Variants in BRCA1 observed in about 807,000 individuals in gnomAD.
BRCA1 encodes breast cancer type 1 susceptibility protein.
Under a neutral mutation model 173.7 loss-of-function variants are expected in BRCA1, and 140 were observed. That is an observed-to-expected ratio of 0.81 (90% confidence interval 0.70 to 0.93). The LOEUF is 0.93. Ranked by LOEUF, BRCA1 falls within the 40% of genes least tolerant of loss-of-function variation. The pLI, the probability that BRCA1 is intolerant of heterozygous loss-of-function variation, is 0.00. For missense variants in BRCA1, 1,983 were observed against 2,172.5 expected, an observed-to-expected ratio of 0.91 and a Z score of 1.73; for synonymous variants, 662 against 756.0, an observed-to-expected ratio of 0.88 and a Z score of 2.04.
At chr17:43,081,485 G>A (rs2052999108) in intron 12 of BRCA1, among the ~76,000 whole-genome samples, 1 of 152,202 alleles carries the variant, frequency 6.6e-6, no homozygotes, top group South Asian at 2.1e-4. Flanking sequence ...CAGTTGGACT[G>A]TGGAACGGGG....
intron 6 of BRCA1, 84 bp from the exon 7 acceptor site, chr17:43,099,964 C>G: frequency 9.4e-7 from 1 of 1,059,886 alleles, no homozygotes; most frequent in Non-Finnish European, 1.5e-6. Flanking sequence ...ACACCATGGA[C>G]AAAATAAATT....
chr17:43,080,468 G>T (rs1275215378), intron 12 of BRCA1, among the ~76,000 whole-genome samples: 1 of 151,758 alleles, frequency 6.6e-6, no homozygotes, highest in Non-Finnish European at 1.5e-5. Flanking sequence ...AAGTGCTGGG[G>T]TTACAGGCGT....
intron 1 of BRCA1, among the ~76,000 whole-genome samples, chr17:43,152,226 G>C (rs978393748): frequency 6.6e-6 from 1 of 152,186 alleles, no homozygotes; most frequent in African/African-American, 2.4e-5. Flanking sequence ...CCTTGTATAT[G>C]TCTCTCTTTA....
intron 1 of BRCA1, among the ~76,000 whole-genome samples, chr17:43,142,933 T>A (rs1210906311): frequency 6.9e-6 from 1 of 145,912 alleles, no homozygotes; most frequent in East Asian, 2.0e-4. Context: ...TGTGTGTGTG[T>A]GTGTGTGTAT....
rs778319854 is a variant in BRCA1, at chr17:43,090,954, A to G, written c.4175T>C (p.Leu1392Ser). 3.1e-6 allele frequency: 5 copies of G among 1,610,554 alleles called. No homozygotes were observed. The highest frequency in any genetic ancestry group is 1.1e-5 in the South Asian group (1 of 90,310). ...ACACACGCTTTTTACCTGAGTGGTT[A>G]AAATGTCACTCTGAGAGGATAGCCC... ...CSGLSSQSDI[L>S]TTQQRDTMQH... Residue 1392 changes from leucine (L) to serine (S), a missense_variant, in exon 11 of 23, where the codon TTA becomes TCA. By Grantham distance (145) the Leu-to-Ser change is moderately radical (BLOSUM62 -2). Coordinates refer to ENST00000357654, the MANE Select transcript of BRCA1 (RefSeq NM_007294.4).
chr17:43,088,073 A>G (rs796766096), intron 11 of BRCA1, among the ~76,000 whole-genome samples: 7 of 152,342 alleles, frequency 4.6e-5, no homozygotes, highest in African/African-American at 1.7e-4. Context: ...TTTTAAAGAT[A>G]AAGTATATAC....
At chr17:43,065,683 A>G (rs1018773186) in intron 16 of BRCA1, among the ~76,000 whole-genome samples, 2 of 152,168 alleles carry the variant, frequency 1.3e-5, no homozygotes, top group Non-Finnish European at 2.9e-5. Flanking sequence ...AACAAAAACA[A>G]AAACAAAAGA....
chr17:43,091,155 TC>T, intron 10 of BRCA1, 123 bp from the exon 11 acceptor site: 1 of 1,063,722 alleles, frequency 9.4e-7, no homozygotes, highest in South Asian at 1.3e-5. Context: ...ATGATTAAAT[TC>T]CTTGCTTTGG....
rs1356078500 is a variant in BRCA1 at position 43,093,993 on chromosome 17, T to G, written c.1538A>C (p.His513Pro). 1 of 1,613,964 alleles carries G rather than the reference T, an allele frequency of 6.2e-7. No homozygotes were observed. Among genetic ancestry groups the G allele is most frequent in the Non-Finnish European group, 8.5e-7 (1 of 1,179,950 alleles). The change falls in exon 10 of 23, where the codon CAT becomes CCT. Residue 513 changes from histidine (H) to proline (P), a missense_variant. Transcript: ENST00000357654. ...KRKRRPTSGL[H>P]PEDFIKKADL... ...TGCTTTCTTGATAAAATCCTCAGGATGAAGGCCTGATGTAGGTCTCCTTTT... is the reference window on the plus strand; with the variant it reads ...TGCTTTCTTGATAAAATCCTCAGGAGGAAGGCCTGATGTAGGTCTCCTTTT...
intron 11 of BRCA1, 130 bp from the exon 12 acceptor site, chr17:43,082,705 G>T: frequency 1.0e-6 from 1 of 969,584 alleles, no homozygotes; most frequent in Non-Finnish European, 1.6e-6. Context: ...ACAAGTTCTA[G>T]CTGAACACCT....
chr17:43,114,037 T>A (rs1466217379), intron 3 of BRCA1, among the ~76,000 whole-genome samples: 2 of 150,356 alleles, frequency 1.3e-5, no homozygotes, highest in African/African-American at 2.5e-5. Flanking sequence ...ATCACACCAC[T>A]GCACTCCAGC....
chr17:43,084,231 C>T lies in BRCA1; in HGVS notation c.4186-1656G>A, dbSNP rs183489787. 7.0e-4 allele frequency among the ~76,000 whole-genome samples: 106 copies of T among 152,274 alleles called. No individual in the cohort carries two copies. In the Middle Eastern group the frequency reaches 0.014, roughly 20 times the overall value. The stretch of plus-strand genomic sequence containing the variant: ...ATTTTTAGTAGAAATGGTGTTTCAC[C>T]GTGTTAGCCAGGATGGTCTGGATCT... On this transcript the variant is annotated intron_variant, in intron 11 of 22. Coordinates refer to ENST00000357654, the MANE Select transcript of BRCA1 (RefSeq NM_007294.4).
At chr17:43,110,097 T>C (rs1447045374) in intron 3 of BRCA1, among the ~76,000 whole-genome samples, 1 of 152,030 alleles carries the variant, frequency 6.6e-6, no homozygotes, top group Non-Finnish European at 1.5e-5. Flanking sequence ...GGTTTCACCA[T>C]GTTAGCCAGG....
chr17:43,131,460 G>A (rs1245009848), intron 1 of BRCA1, among the ~76,000 whole-genome samples: 3 of 152,084 alleles, frequency 2.0e-5, no homozygotes, highest in Non-Finnish European at 2.9e-5. Context: ...TTGAAATCTT[G>A]CTCCCCAGAA....
At chr17:43,074,227 C>T (rs1180596536) in intron 14 of BRCA1, 104 bp downstream of exon 14, 3 of 1,157,776 alleles carry the variant, frequency 2.6e-6, no homozygotes, top group Admixed American at 2.1e-5. Flanking sequence ...CAAAAGTGTC[C>T]ATGATAGACT....
rs552259443 is a variant in BRCA1, at chr17:43,135,591, C to T, written c.-19-11476G>A. 3.3e-5 allele frequency among the ~76,000 whole-genome samples: 5 copies of T among 152,270 alleles called. No individual in the cohort carries two copies. In the East Asian group the frequency reaches 9.7e-4, roughly 29 times the overall value. The stretch of plus-strand genomic sequence containing the variant: ...ATCCGCGTGGAACCTTCCCATGGTT[C>T]GCAGGTCGCGGTCTTCGGAGCCTTC... On this transcript the variant is annotated intron_variant, in intron 1 of 7. Coordinates refer to the BRCA1 transcript ENST00000634433.
In BRCA1 at chr17:43,094,703, T is replaced by C. The variant is rs186274774; in HGVS notation, c.828A>G (p.Thr276=). The C allele has an allele frequency of 2.8e-5, 45 of 1,612,746 alleles. No individual in the cohort carries two copies. In the African/African-American group the frequency reaches 5.7e-4, roughly 21 times the overall value. ...GCTGTAATGAGCTGGCATGAGTATT[T>C]GTGCCACATGGCTCCACATGCAAGT... The part of the protein sequence containing the change: ...VSNLHVEPCG[T]NTHASSLQHE... Residue 276 remains threonine, a synonymous_variant, in exon 10 of 23, where the codon ACA becomes ACG. Transcript: ENST00000357654.
rs80357812 is a variant in BRCA1 at position 43,092,764 on chromosome 17, CT to C, written c.2766del (p.Val923LeufsTer77). On this transcript the variant is annotated frameshift_variant, in exon 10 of 23. Transcript: ENST00000357654. LOFTEE classifies it high-confidence loss of function. The part of the protein sequence containing the change: ...KNESNIKPVQ[T>X]VNITAGFPVV... Reference sequence around the variant, plus strand: ...ACAGGAAAGCCTGCAGTGATATTAACTGTCTGTACAGGCTTGATATTAGACT... The same window carrying C: ...ACAGGAAAGCCTGCAGTGATATTAACGTCTGTACAGGCTTGATATTAGACT... 1 of 1,614,106 alleles carries C rather than the reference CT, an allele frequency of 6.2e-7. No individual in the cohort carries two copies. The highest frequency in any genetic ancestry group is 1.1e-5 in the South Asian group (1 of 91,082).
At chr17:43,138,646 T>G in intron 1 of BRCA1, 1 of 775,230 alleles carries the variant, frequency 1.3e-6, no homozygotes, top group Non-Finnish European at 2.4e-6. Flanking sequence ...ATTTCACCCC[T>G]TTCTGTGCAG....
Sources: allele counts gnomAD v4.1 joint callset (sites outside exome capture counted in the v4.1 genomes callset), GRCh38; gene constraint gnomAD v4.1.1; transcripts MANE v1.5; gene names NCBI Gene and HGNC (gene_info 2026-07-23, HGNC 2026-07-21).